Variants in ABHD17C observed in about 807,000 individuals in gnomAD.
ABHD17C encodes the protein abhydrolase domain containing 17C, depalmitoylase, also known as alpha/beta hydrolase domain-containing protein 17C.
In ABHD17C, 11 loss-of-function variants were observed where a neutral mutation model predicts 27.9. The observed-to-expected ratio is 0.39, with a 90% CI of 0.25 to 0.65. The LOEUF is 0.65. Among genes scored for constraint, ABHD17C ranks in the 30% least tolerant of loss-of-function variants. ABHD17C has a pLI of 0.45. For missense variants in ABHD17C, 280 were observed against 470.2 expected (o/e 0.60, Z 3.74); for synonymous variants, 233 against 209.1 (o/e 1.11, Z -0.98).
rs1441095750 is a variant in ABHD17C, at chr15:80,696,007, C to A, written c.578C>A (p.Ala193Glu). 5 of 1,574,026 alleles carry A rather than the reference C, an allele frequency of 3.2e-6. No homozygotes were observed. Among genetic ancestry groups the A allele is most frequent in the Non-Finnish European group, 4.3e-6 (5 of 1,167,998 alleles). ...LYADIDAAWQ[A>E]LRTRYGVSPE... The stretch of plus-strand genomic sequence containing the variant: ...GCCGACATCGACGCCGCGTGGCAGG[C>A]GCTGCGCACCCGGTGAGCCTGCCGG... The change falls in exon 1 of 3, where the codon GCG becomes GAG. Residue 193 changes from alanine (A) to glutamate (E), a missense_variant. Around this residue, in one of 2 missense-constraint regions of ABHD17C, gnomAD observed 206 missense variants for 394.7 expected, o/e 0.52. Coordinates refer to ENST00000258884, the MANE Select transcript of ABHD17C (RefSeq NM_021214.2).
intron 1 of ABHD17C, among the ~76,000 whole-genome samples, chr15:80,730,574 A>G (rs543153490): frequency 6.6e-6 from 1 of 152,384 alleles, no homozygotes; most frequent in Non-Finnish European, 1.5e-5. Flanking sequence ...GATTTAAACT[A>G]GGAGACACAG....
At position 80,695,527 on chromosome 15, in the gene ABHD17C, TG is replaced by T; in HGVS notation, c.100del (p.Ala34ProfsTer167). ...TGCCCGAGCCGCATCGCCGCCAAGCTGGCCTTCCTGCCGCCCGAGCCCACCT... is the reference window on the plus strand; with the variant it reads ...TGCCCGAGCCGCATCGCCGCCAAGCTGCCTTCCTGCCGCCCGAGCCCACCT... ...PPCPSRIAAKLAFLPPEPTYT... is the reference protein window; with the variant it reads ...PPCPSRIAAKXAFLPPEPTYT... On this transcript the variant is annotated frameshift_variant, in exon 1 of 3. Transcript: ENST00000258884. LOFTEE classifies it high-confidence loss of function. This position sits in a 1 kb window ranked among gnomAD's most constrained non-coding sequence, Gnocchi z 4.3. 1 of 1,369,406 alleles carries T rather than the reference TG, an allele frequency of 7.3e-7. No homozygotes were observed. Among genetic ancestry groups the T allele is most frequent in the Non-Finnish European group, 9.5e-7 (1 of 1,048,612 alleles). 84.8% of individuals were successfully genotyped at this position (1,369,406 alleles called of 1,614,324 possible).
intron 1 of ABHD17C, among the ~76,000 whole-genome samples, chr15:80,712,248 C>T (rs935350624): frequency 1.8e-4 from 27 of 152,208 alleles, no homozygotes; most frequent in African/African-American, 6.0e-4. Context: ...TGTCGAAGGA[C>T]TGGGTTGAAT....
chr15:80,737,856 G>C (rs1895154658), intron 1 of ABHD17C, among the ~76,000 whole-genome samples: 1 of 152,176 alleles, frequency 6.6e-6, no homozygotes, highest in African/African-American at 2.4e-5. Flanking sequence ...GGAGAGAAAA[G>C]AAAATGTTGG....
At chr15:80,712,686 T>G (rs890151255) in intron 1 of ABHD17C, among the ~76,000 whole-genome samples, 9 of 152,176 alleles carry the variant, frequency 5.9e-5, no homozygotes, top group Non-Finnish European at 1.3e-4. Context: ...AGCCAGCTCA[T>G]TCTAATATGT....
chr15:80,709,885 G>A (rs1354970223), intron 1 of ABHD17C, among the ~76,000 whole-genome samples: 2 of 152,274 alleles, frequency 1.3e-5, no homozygotes, highest in East Asian at 3.9e-4. Context: ...AGTGTCCACT[G>A]TGGGCCAGGC....
chr15:80,700,882 CAG>C (rs1336224231), intron 1 of ABHD17C, among the ~76,000 whole-genome samples: 1 of 152,178 alleles, frequency 6.6e-6, no homozygotes, highest in African/African-American at 2.4e-5. Flanking sequence ...GCCTGGGCAA[CAG>C]AGTGAGATCC....
In ABHD17C at chr15:80,695,855, C is replaced by A. The variant is rs1298961180; in HGVS notation, c.426C>A (p.Ala142=). 1.9e-6 allele frequency: 3 copies of A among 1,594,848 alleles called. No homozygotes were observed. The highest frequency in any genetic ancestry group is 1.1e-5 in the South Asian group (1 of 90,408). The change falls in exon 1 of 3, where the codon GCC becomes GCA. Residue 142 remains alanine (A), a synonymous_variant. Transcript: ENST00000258884. The surrounding 1 kb of genome is among the most constrained non-coding windows in gnomAD (Gnocchi z 4.3). The part of the protein sequence containing the change: ...RYTLLFSHGN[A]VDLGQMCSFY... ...CGCTGCTCTTCTCGCACGGCAACGC[C>A]GTGGACCTGGGCCAGATGTGCAGCT...
chr15:80,748,378 T>G (rs1236384847), intron 1 of ABHD17C, among the ~76,000 whole-genome samples: 1 of 152,214 alleles, frequency 6.6e-6, no homozygotes, highest in African/African-American at 2.4e-5. Context: ...CCCAAGTGCT[T>G]GTACTAATTT....
intron 1 of ABHD17C, among the ~76,000 whole-genome samples, chr15:80,745,955 C>A (rs1895277226): frequency 6.6e-6 from 1 of 152,172 alleles, no homozygotes; most frequent in South Asian, 2.1e-4. Flanking sequence ...TTGAATTTAT[C>A]TCGGAGTAGA....
At chr15:80,737,873 C>T (rs11638879) in intron 1 of ABHD17C, among the ~76,000 whole-genome samples, 52,977 of 152,000 alleles carry the variant, frequency 0.35, 11,078 homozygotes, top group Non-Finnish European at 0.48. Flanking sequence ...TTGGAATAGT[C>T]GGATGGGGCT....
rs1358898011 is a variant in ABHD17C, at chr15:80,695,413, G to A, written c.-17G>A. The stretch of plus-strand genomic sequence containing the variant: ...CAGCCAGCCAGCCGGGCCGGCGGCG[G>A]GCACCAGGCCGTCCCGATGCCCGAG... On this transcript the variant is annotated 5_prime_UTR_variant, in exon 1 of 3. Transcript: ENST00000258884. This position sits in a 1 kb window ranked among gnomAD's most constrained non-coding sequence, Gnocchi z 4.3. 1 of 1,238,496 alleles carries A rather than the reference G, an allele frequency of 8.1e-7. No individual in the cohort carries two copies. The allele number at this position is 1,238,496 out of a possible 1,614,324, so 76.7% of individuals were successfully genotyped here. A position where few individuals can be genotyped will look rare whatever the true frequency, so the allele number is the denominator to read the frequency against.
At chr15:80,719,731 C>A (rs981826578) in intron 1 of ABHD17C, among the ~76,000 whole-genome samples, 5 of 151,702 alleles carry the variant, frequency 3.3e-5, no homozygotes, top group African/African-American at 1.2e-4. Context: ...TGCTATATAT[C>A]TAATTTCATC....
intron 1 of ABHD17C, among the ~76,000 whole-genome samples, chr15:80,737,895 A>T (rs139342790): frequency 6.6e-6 from 1 of 152,192 alleles, no homozygotes; most frequent in African/African-American, 2.4e-5. Flanking sequence ...GATTGTGGAC[A>T]TGGACTTTTA....
intron 1 of ABHD17C, among the ~76,000 whole-genome samples, chr15:80,716,373 C>T (rs1230140494): frequency 6.6e-6 from 1 of 151,666 alleles, no homozygotes; most frequent in Non-Finnish European, 1.5e-5. Context: ...CAGGGACAGC[C>T]GCGTAAGACA....
At chr15:80,748,302 T>G (rs1373598853) in intron 1 of ABHD17C, among the ~76,000 whole-genome samples, 1 of 152,200 alleles carries the variant, frequency 6.6e-6, no homozygotes, top group East Asian at 1.9e-4. Context: ...CAATACGTAT[T>G]TATTCCGAAA....
In ABHD17C at chr15:80,713,354, C is replaced by CTTTTTTTTTTTT. The variant is rs67320992; in HGVS notation, c.590+17352_590+17363dup. On this transcript the variant is annotated intron_variant, in intron 1 of 2. Transcript: ENST00000258884. ...GAAGGAAAGCCACTGAGGTCTTGTT[C>CTTTTTTTTTTTT]TTTTTTTTTTTTTTTTTTTTTTTTT... Among the ~76,000 whole-genome samples, 400 of 43,862 alleles carry CTTTTTTTTTTTT rather than the reference C, an allele frequency of 9.1e-3. 94 individuals are homozygous for CTTTTTTTTTTTT. The highest frequency in any genetic ancestry group is 0.051 in the East Asian group (47 of 926). 28.8% of individuals were successfully genotyped at this position (43,862 alleles called of 152,430 possible).
intron 1 of ABHD17C, among the ~76,000 whole-genome samples, chr15:80,715,583 T>C (rs1894792819): frequency 6.6e-6 from 1 of 152,322 alleles, no homozygotes; most frequent in Non-Finnish European, 1.5e-5. Flanking sequence ...GGGAAAGATA[T>C]GAATGAATGA....
At chr15:80,708,405 T>C (rs1343320617) in intron 1 of ABHD17C, among the ~76,000 whole-genome samples, 2 of 152,186 alleles carry the variant, frequency 1.3e-5, no homozygotes, top group African/African-American at 4.8e-5. Context: ...AGCCTCTGCC[T>C]CCTAGGTTCA....
Sources: allele counts gnomAD v4.1 joint callset (sites outside exome capture counted in the v4.1 genomes callset), GRCh38; gene constraint gnomAD v4.1.1; regional missense constraint gnomAD v4.1.1; non-coding constraint Gnocchi (gnomAD v3.1); transcripts MANE v1.5; gene names NCBI Gene and HGNC (gene_info 2026-07-23, HGNC 2026-07-21).